Variants in GNG12 observed in about 807,000 individuals in gnomAD.
The protein encoded by GNG12 is guanine nucleotide-binding protein G(I)/G(S)/G(O) subunit gamma-12.
For synonymous variants in GNG12, 28 were observed against 29.7 expected (o/e 0.94, Z 0.19); for missense variants, 69 against 83.8 (o/e 0.82, Z 0.69).
chr1:67,787,331 G>C lies in GNG12; in HGVS notation c.-76-9824C>G, dbSNP rs184405248. On this transcript the variant is annotated intron_variant, in intron 1 of 3. Transcript: ENST00000370982. The stretch of plus-strand genomic sequence containing the variant: ...AGGTAGAGGGAACAGCTTGTGCCAA[G>C]GCCTGAGAGGAAGTGAGTCCCTAAG... Among the ~76,000 whole-genome samples the C allele has an allele frequency of 4.2e-3, 638 of 152,196 alleles. 2 individuals carry two copies. Among genetic ancestry groups the C allele is most frequent in the African/African-American group, 0.015 (609 of 41,526 alleles).
At chr1:67,753,552 C>T (rs1335806483) in intron 2 of GNG12, among the ~76,000 whole-genome samples, 2 of 152,174 alleles carry the variant, frequency 1.3e-5, no homozygotes, top group Non-Finnish European at 2.9e-5. Flanking sequence ...GGGGCCAGGG[C>T]AGCCCCGATA....
At chr1:67,713,096 C>T (rs964346051) in intron 2 of GNG12, among the ~76,000 whole-genome samples, 9 of 152,124 alleles carry the variant, frequency 5.9e-5, no homozygotes, top group African/African-American at 2.2e-4. Flanking sequence ...TGCTGATTGC[C>T]TTGTGTTTGT....
At chr1:67,762,355 G>A (rs1332089629) in intron 2 of GNG12, among the ~76,000 whole-genome samples, 1 of 152,124 alleles carries the variant, frequency 6.6e-6, no homozygotes. Context: ...CACAGCCTCT[G>A]GATTGAGGAG....
intron 1 of GNG12, among the ~76,000 whole-genome samples, chr1:67,792,369 C>G (rs1646806569): frequency 6.6e-6 from 1 of 152,110 alleles, no homozygotes; most frequent in Non-Finnish European, 1.5e-5. Flanking sequence ...CTTGATTTTT[C>G]TGATGTTCGT....
rs139638442 is a variant in GNG12 at position 67,705,533 on chromosome 1, T to C, written c.137A>G (p.His46Arg). The change falls in exon 4 of 4, where the codon CAT becomes CGT. Residue 46 changes from histidine to arginine, a missense_variant. His to Arg is a conservative substitution (Grantham distance 29). Coordinates refer to ENST00000370982, the MANE Select transcript of GNG12 (RefSeq NM_018841.6). ...SADLMSYCEE[H>R]ARSDPLLIGI... ...TATCAGCAAAGGGTCACTCCTGGCA[T>C]GTTCCTCACAGTAGGACATGAGGTC... is the stretch of plus-strand genomic sequence containing the variant. The C allele has an allele frequency of 2.2e-5, 36 of 1,613,808 alleles. No homozygotes were observed. In the African/African-American group the frequency reaches 4.3e-4, roughly 19 times the overall value.
At chr1:67,773,814 C>T (rs1646688309) in intron 2 of GNG12, among the ~76,000 whole-genome samples, 1 of 152,148 alleles carries the variant, frequency 6.6e-6, no homozygotes, top group Non-Finnish European at 1.5e-5. Flanking sequence ...AATGCCAAGG[C>T]TCAGCATCAA....
chr1:67,775,673 G>A lies in GNG12; in HGVS notation c.-27+1785C>T, dbSNP rs1188684523. Among the ~76,000 whole-genome samples, 3 of 152,346 alleles carry A rather than the reference G, an allele frequency of 2.0e-5. No individual in the cohort carries two copies. The East Asian group carries it at 5.8e-4, about 29-fold the overall frequency. ...GCCTTTAGCTCTCAAAGAGCTAAGT[G>A]AATAAGAAGCTGGGAAGTGAGTAGG... On this transcript the variant is annotated intron_variant, in intron 2 of 3. Transcript: ENST00000370982.
intron 1 of GNG12, among the ~76,000 whole-genome samples, chr1:67,788,157 A>G (rs187180295): frequency 2.0e-3 from 310 of 152,342 alleles, no homozygotes; most frequent in African/African-American, 7.2e-3. Context: ...TTTACACTGA[A>G]TAATATTTGC....
intron 2 of GNG12, among the ~76,000 whole-genome samples, chr1:67,728,832 C>T (rs1308154069): frequency 1.3e-5 from 2 of 152,142 alleles, no homozygotes; most frequent in Non-Finnish European, 2.9e-5. Context: ...GAAACCCCTC[C>T]TTTAGCCAGA....
chr1:67,821,670 T>C (rs1036863001), intron 1 of GNG12, among the ~76,000 whole-genome samples: 13 of 152,234 alleles, frequency 8.5e-5, no homozygotes, highest in South Asian at 4.1e-4. Flanking sequence ...ATAATTCATA[T>C]TTGTTGTGTT....
At chr1:67,754,706 G>C (rs949398567) in intron 2 of GNG12, among the ~76,000 whole-genome samples, 1 of 152,188 alleles carries the variant, frequency 6.6e-6, no homozygotes, top group African/African-American at 2.4e-5. Context: ...TGCTGATGCA[G>C]GAAGCCACAG....
At chr1:67,820,463 A>G (rs1250376685) in intron 1 of GNG12, among the ~76,000 whole-genome samples, 1 of 152,056 alleles carries the variant, frequency 6.6e-6, no homozygotes, top group Non-Finnish European at 1.5e-5. Context: ...CACAAAAAAT[A>G]GCAAAGAAAC....
chr1:67,804,838 G>C (rs563099412), intron 1 of GNG12, among the ~76,000 whole-genome samples: 1 of 152,184 alleles, frequency 6.6e-6, no homozygotes, highest in East Asian at 1.9e-4. Flanking sequence ...AGTAATGGGG[G>C]AAGGGGAAGC....
In GNG12 at chr1:67,746,910, G is replaced by A. The variant is rs190575534; in HGVS notation, c.-27+30548C>T. ...TGAAAGGCAGCTAAACATTCCTAAA[G>A]CAAATAATATACTTTAAAAGTGTGT... is the stretch of plus-strand genomic sequence containing the variant. On this transcript the variant is annotated intron_variant, in intron 2 of 3. Coordinates refer to ENST00000370982, the MANE Select transcript of GNG12 (RefSeq NM_018841.6). 5.9e-5 allele frequency among the ~76,000 whole-genome samples: 9 copies of A among 152,032 alleles called. No homozygotes were observed. The East Asian group carries it at 1.2e-3, about 20-fold the overall frequency.
At chr1:67,818,624 G>A (rs1190300804) in intron 1 of GNG12, among the ~76,000 whole-genome samples, 1 of 152,162 alleles carries the variant, frequency 6.6e-6, no homozygotes, top group East Asian at 1.9e-4. Flanking sequence ...AAAGAGGTCT[G>A]TCTGCTGATC....
At chr1:67,768,082 C>A (rs959507456) in intron 2 of GNG12, among the ~76,000 whole-genome samples, 1 of 152,242 alleles carries the variant, frequency 6.6e-6, no homozygotes, top group Non-Finnish European at 1.5e-5. Flanking sequence ...TGGTCTTCTG[C>A]AAATTCTTAT....
At chr1:67,737,438 G>C (rs1403305293) in intron 2 of GNG12, among the ~76,000 whole-genome samples, 1 of 152,160 alleles carries the variant, frequency 6.6e-6, no homozygotes, top group Non-Finnish European at 1.5e-5. Context: ...GGTAAGAAGA[G>C]CTCTGGGCCC....
chr1:67,799,143 A>G (rs572666990), intron 1 of GNG12, among the ~76,000 whole-genome samples: 2 of 152,260 alleles, frequency 1.3e-5, no homozygotes, highest in Admixed American at 1.3e-4. Flanking sequence ...TATTAATAGT[A>G]ATGTTTTTGA....
intron 1 of GNG12, among the ~76,000 whole-genome samples, chr1:67,831,286 A>G (rs1005707461): frequency 1.3e-5 from 2 of 152,274 alleles, no homozygotes; most frequent in African/African-American, 4.8e-5. Flanking sequence ...TTTTCTGACC[A>G]TGAAGCCCTT....
Sources: allele counts gnomAD v4.1 joint callset (sites outside exome capture counted in the v4.1 genomes callset), GRCh38; gene constraint gnomAD v4.1.1; transcripts MANE v1.5; gene names NCBI Gene and HGNC (gene_info 2026-07-23, HGNC 2026-07-21).